GNB1: variants seen among roughly 807,000 people sequenced by gnomAD.
The protein encoded by GNB1 is guanine nucleotide-binding protein G(I)/G(S)/G(T) subunit beta-1.
A neutral mutation model predicts 42.9 loss-of-function variants in GNB1; 2 were observed. That is an observed-to-expected ratio of 0.05 (90% CI 0.02 to 0.15). GNB1 has a LOEUF of 0.15. GNB1 is among the 10% of genes least tolerant of loss of function. GNB1 has a pLI of 1.00. For synonymous variants in GNB1, 183 were observed against 174.7 expected, an observed-to-expected ratio of 1.05 and a Z score of -0.38; for missense variants, 193 against 462.2, an observed-to-expected ratio of 0.42 and a Z score of 5.34.
At position 1,864,314 on chromosome 1, in the gene GNB1, CAAAA is replaced by C. The variant is rs1173466617; in HGVS notation, c.-95-25080_-95-25077del. On this transcript the variant is annotated intron_variant, in intron 1 of 11. Transcript: ENST00000378609. ...CTGGGTGACAAGAGCAAGACTCTCT[CAAAA>C]AAAAAAAAAAAAAAAAAAGAAGAAA... Among the ~76,000 whole-genome samples the C allele has an allele frequency of 2.9e-4, 11 of 37,910 alleles. No homozygotes were observed. The East Asian group carries it at 3.6e-3, about 13-fold the overall frequency. The allele number at this position is 37,910 out of a possible 152,430, so 24.9% of individuals were successfully genotyped here.
At chr1:1,868,381 T>C (rs1222821684) in intron 1 of GNB1, among the ~76,000 whole-genome samples, 1 of 152,168 alleles carries the variant, frequency 6.6e-6, no homozygotes, top group East Asian at 1.9e-4. Flanking sequence ...TTTACCATGT[T>C]GGCCAGGCTG....
intron 3 of GNB1, among the ~76,000 whole-genome samples, chr1:1,820,469 T>C (rs1211001587): frequency 2.0e-5 from 3 of 151,526 alleles, no homozygotes; most frequent in African/African-American, 7.3e-5. Flanking sequence ...ATTCTGCTTA[T>C]AATTAAGACA....
chr1:1,870,061 A>G (rs1353892510), intron 1 of GNB1, among the ~76,000 whole-genome samples: 1 of 152,104 alleles, frequency 6.6e-6, no homozygotes, highest in African/African-American at 2.4e-5. Flanking sequence ...GGGTTTCACC[A>G]TATTGGCCAG....
chr1:1,809,839 C>G (rs1486047477), intron 5 of GNB1, among the ~76,000 whole-genome samples: 1 of 152,074 alleles, frequency 6.6e-6, no homozygotes, highest in Non-Finnish European at 1.5e-5. Context: ...ATCTGAGGTG[C>G]CACTCACCTA....
chr1:1,838,585 C>T (rs1207355212), intron 2 of GNB1, among the ~76,000 whole-genome samples: 3 of 151,996 alleles, frequency 2.0e-5, no homozygotes, highest in Admixed American at 1.3e-4. Flanking sequence ...GCTGGGACTA[C>T]AGGCGCCCAC....
In GNB1 at chr1:1,836,387, CTTT is replaced by C. The variant is rs34812880; in HGVS notation, c.-47+2800_-47+2802del. On this transcript the variant is annotated intron_variant, in intron 2 of 11. Transcript: ENST00000378609. ...TGGGTTACCTGTTTTCTTAATATTGCTTTTTTTTTTTTTTTTTTTTTTGACACA... is the reference window on the plus strand; with the variant it reads ...TGGGTTACCTGTTTTCTTAATATTGCTTTTTTTTTTTTTTTTTTTGACACA... Among the ~76,000 whole-genome samples, 257 of 85,156 alleles carry C rather than the reference CTTT, an allele frequency of 3.0e-3. 1 individual carries two copies. The highest frequency in any genetic ancestry group is 6.8e-3 in the Middle Eastern group (1 of 148). The allele number at this position is 85,156 out of a possible 152,430, so 55.9% of individuals were successfully genotyped here. A position where few individuals can be genotyped will look rare whatever the true frequency, so the allele number is the denominator to read the frequency against.
chr1:1,886,992 T>C (rs1449909870), intron 1 of GNB1, among the ~76,000 whole-genome samples: 2 of 152,166 alleles, frequency 1.3e-5, no homozygotes, highest in Non-Finnish European at 2.9e-5. Flanking sequence ...GGATTACAGG[T>C]GTGAGCCACC....
rs1359247398 is a variant in GNB1 at position 1,785,537 on chromosome 1, A to T, written c.*1526T>A. The T allele has an allele frequency of 6.4e-6, 1 of 157,232 alleles. No homozygotes were observed. The highest frequency in any genetic ancestry group is 6.5e-5 in the Admixed American group (1 of 15,382). 9.7% of individuals were successfully genotyped at this position (157,232 alleles called of 1,614,324 possible). On this transcript the variant is annotated 3_prime_UTR_variant, in exon 12 of 12. Transcript: ENST00000378609. ...ACAGTTTTGTATAGAATGTTGCAGA[A>T]AACAGGATGGAGAAGCCACTACTGC... is the stretch of plus-strand genomic sequence containing the variant.
chr1:1,873,668 C>T (rs750661240), intron 1 of GNB1, among the ~76,000 whole-genome samples: 22 of 152,162 alleles, frequency 1.4e-4, no homozygotes, highest in Non-Finnish European at 2.2e-4. Context: ...CCCAGCACTT[C>T]GGGAGGCCGA....
chr1:1,888,787 C>T (rs1650302362), intron 1 of GNB1, among the ~76,000 whole-genome samples: 2 of 152,014 alleles, frequency 1.3e-5, no homozygotes. Flanking sequence ...TGCAATGAGC[C>T]GAGATCGCGC....
intron 1 of GNB1, chr1:1,839,693 A>C (rs1297985105): frequency 7.9e-6 from 1 of 127,254 alleles, no homozygotes; most frequent in African/African-American, 2.6e-5. Flanking sequence ...CTAAAAATAC[A>C]AAAAAAAAAA....
In GNB1 at chr1:1,872,509, C is replaced by T. The variant is rs376477679; in HGVS notation, c.-96+18311G>A. Among the ~76,000 whole-genome samples, 13 of 152,320 alleles carry T rather than the reference C, an allele frequency of 8.5e-5. 1 individual carries two copies. The highest frequency in any genetic ancestry group is 2.6e-4 in the Admixed American group (4 of 15,296). On this transcript the variant is annotated intron_variant, in intron 1 of 11. Coordinates refer to ENST00000378609, the MANE Select transcript of GNB1 (RefSeq NM_002074.5). ...GGCCTGGCTTCCACCCCTACCTCTG[C>T]CCTACAGCTTTGCTCCTGTGTGCTG...
rs143700421 is a variant in GNB1 at position 1,869,528 on chromosome 1, CCCTGCTT to C, written c.-96+21285_-96+21291del. The stretch of plus-strand genomic sequence containing the variant: ...CAGGAACTGGAGCTTTTCCTACTGT[CCCTGCTT>C]CCTCCTCCCGTGAATCCCAACAATC... On this transcript the variant is annotated intron_variant, in intron 1 of 11. Coordinates refer to ENST00000378609, the MANE Select transcript of GNB1 (RefSeq NM_002074.5). 3.3e-4 allele frequency among the ~76,000 whole-genome samples: 51 copies of C among 152,286 alleles called. No individual in the cohort carries two copies. In the East Asian group the frequency reaches 9.4e-3, roughly 28 times the overall value.
At chr1:1,852,522 G>A (rs1471118002) in intron 1 of GNB1, among the ~76,000 whole-genome samples, 1 of 151,758 alleles carries the variant, frequency 6.6e-6, no homozygotes, top group Admixed American at 6.6e-5. Flanking sequence ...GAGCCACGGC[G>A]CCCGGCCTCA....
At chr1:1,883,302 A>G (rs1412336348) in intron 1 of GNB1, among the ~76,000 whole-genome samples, 1 of 150,794 alleles carries the variant, frequency 6.6e-6, no homozygotes, top group Non-Finnish European at 1.5e-5. Context: ...AAAGAAAAAG[A>G]AAAAAAAACC....
rs1646400378 is a variant in GNB1 at position 1,785,915 on chromosome 1, G to T, written c.*1148C>A. ...GTGCCACAGAGCAGCAACGAGAAGT[G>T]GACAGAGCCGCAATGGTTACAACTG... On this transcript the variant is annotated 3_prime_UTR_variant, in exon 12 of 12. Coordinates refer to ENST00000378609, the MANE Select transcript of GNB1 (RefSeq NM_002074.5). 3 of 398,734 alleles carry T rather than the reference G, an allele frequency of 7.5e-6. No individual in the cohort carries two copies. Among genetic ancestry groups the T allele is most frequent in the Non-Finnish European group, 1.3e-5 (3 of 226,030 alleles). 24.7% of individuals were successfully genotyped at this position (398,734 alleles called of 1,614,324 possible).
intron 8 of GNB1, among the ~76,000 whole-genome samples, chr1:1,792,500 C>T (rs987845165): frequency 1.3e-5 from 2 of 151,792 alleles, no homozygotes; most frequent in Non-Finnish European, 2.9e-5. Context: ...GATAAGAGAC[C>T]ATCCTGGCCA....
chr1:1,835,922 GAAAA>G (rs59271649), intron 2 of GNB1, among the ~76,000 whole-genome samples: 18 of 88,680 alleles, frequency 2.0e-4, no homozygotes, highest in African/African-American at 8.0e-4. Context: ...ATTAAAAAAA[GAAAA>G]AAAAAAAAAA....
At chr1:1,810,388 T>G (rs1388846589) in intron 5 of GNB1, among the ~76,000 whole-genome samples, 3 of 151,768 alleles carry the variant, frequency 2.0e-5, no homozygotes, top group Non-Finnish European at 4.4e-5. Flanking sequence ...TTTTAAAAAT[T>G]AGCTGGGCAC....
Sources: gnomAD v4.1 joint callset for allele counts (sites outside exome capture counted in the v4.1 genomes callset) on GRCh38, gnomAD v4.1.1 for gene constraint, MANE v1.5 for transcripts, NCBI Gene and HGNC (gene_info 2026-07-23, HGNC 2026-07-21) for gene names.